The following LYST variants were observed in gnomAD, a reference collection of about 807,000 sequenced individuals.
LYST encodes the protein lysosomal-trafficking regulator.
Under a neutral mutation model 413.6 loss-of-function variants are expected in LYST, and 192 were observed. The observed-to-expected ratio is 0.46, with a 90% CI of 0.41 to 0.52. The LOEUF is 0.52. Among genes scored for constraint, LYST ranks in the 20% least tolerant of loss-of-function variants. The pLI, the probability that LYST is intolerant of heterozygous loss-of-function variation, is 0.00. For missense variants in LYST, 3,815 were observed against 4,499.9 expected, an observed-to-expected ratio of 0.85 and a Z score of 4.35; for synonymous variants, 1,525 against 1,567.3, an observed-to-expected ratio of 0.97 and a Z score of 0.64.
At chr1:235,723,907 G>T in intron 39 of LYST, 121 bp downstream of exon 39, 1 of 855,188 alleles carries the variant, frequency 1.2e-6, no homozygotes, top group Non-Finnish European at 1.9e-6. Context: ...CTTTAATCAG[G>T]ACTAAGAAAC....
At chr1:235,692,333 A>G (rs1662848802) in intron 47 of LYST, among the ~76,000 whole-genome samples, 1 of 151,434 alleles carries the variant, frequency 6.6e-6, no homozygotes, top group Admixed American at 6.6e-5. Flanking sequence ...ACTTCATCTC[A>G]TAACAAACCA....
At chr1:235,732,362 G>A (rs934797168) in intron 34 of LYST, among the ~76,000 whole-genome samples, 1 of 151,808 alleles carries the variant, frequency 6.6e-6, no homozygotes, top group Non-Finnish European at 1.5e-5. Context: ...GAGTGCAGTG[G>A]CATGTTCATA....
At chr1:235,712,011 C>A in intron 43 of LYST, 46 bp downstream of exon 43, 1 of 1,445,244 alleles carries the variant, frequency 6.9e-7, no homozygotes, top group Non-Finnish European at 9.3e-7. Flanking sequence ...TACAAAATAA[C>A]CACAAGCCCT....
upstream of LYST, among the ~76,000 whole-genome samples, chr1:235,870,288 T>C (rs142010121): frequency 6.7e-4 from 102 of 152,298 alleles, no homozygotes; most frequent in African/African-American, 2.4e-3. Flanking sequence ...CTATAACAAA[T>C]GAAGGTGTAA....
In LYST at chr1:235,778,874, T is replaced by C. The variant is rs528271906; in HGVS notation, c.5215-1566A>G. On this transcript the variant is annotated intron_variant, in intron 16 of 52. Transcript: ENST00000389793. ...GGGTACCATTTCTTGTCTTTTTTCT[T>C]TTTTTTTTTGAGACAGAGTTTGACT... Among the ~76,000 whole-genome samples the C allele has an allele frequency of 2.7e-5, 4 of 149,710 alleles. No individual in the cohort carries two copies. In the East Asian group the frequency reaches 7.8e-4, roughly 29 times the overall value.
chr1:235,796,277 T>C (rs1671549302), intron 10 of LYST, among the ~76,000 whole-genome samples: 2 of 152,126 alleles, frequency 1.3e-5, no homozygotes, highest in South Asian at 4.1e-4. Flanking sequence ...TAGGACTTCA[T>C]AAAAATCTTT....
intron 37 of LYST, among the ~76,000 whole-genome samples, chr1:235,728,751 G>GTGAAGTAT (rs1664113330): frequency 1.3e-5 from 2 of 152,196 alleles, no homozygotes; most frequent in Admixed American, 6.5e-5. Context: ...TAGTGAAGTA[G>GTGAAGTAT]TGGCATGGCT....
chr1:235,880,186 C>T (rs1277941432), intron 1 of LYST, among the ~76,000 whole-genome samples: 1 of 152,214 alleles, frequency 6.6e-6, no homozygotes, highest in Admixed American at 6.5e-5. Context: ...TTGTCTCAAA[C>T]ATGTTTCTTT....
At chr1:235,764,231 G>A (rs1667876965) in intron 21 of LYST, among the ~76,000 whole-genome samples, 1 of 152,072 alleles carries the variant, frequency 6.6e-6, no homozygotes, top group Non-Finnish European at 1.5e-5. Flanking sequence ...AAACAAAAAT[G>A]TTGACTGCCT....
chr1:235,869,510 A>T (rs1003005652), upstream of LYST, among the ~76,000 whole-genome samples: 9 of 152,232 alleles, frequency 5.9e-5, no homozygotes, highest in African/African-American at 1.7e-4. Context: ...CTACTTACGC[A>T]TGTATCACAT....
At chr1:235,713,972 G>C (rs1435658363) in intron 42 of LYST, among the ~76,000 whole-genome samples, 1 of 152,040 alleles carries the variant, frequency 6.6e-6, no homozygotes, top group Non-Finnish European at 1.5e-5. Flanking sequence ...TATATTAATG[G>C]GTTCTTGGGC....
intron 1 of LYST, among the ~76,000 whole-genome samples, chr1:235,859,029 T>C (rs1679544821): frequency 6.6e-6 from 1 of 152,192 alleles, no homozygotes; most frequent in South Asian, 2.1e-4. Flanking sequence ...TAACTTTTAT[T>C]TTCCCCTCAA....
intron 50 of LYST, among the ~76,000 whole-genome samples, chr1:235,666,599 C>CACACAT (rs1658493717): frequency 7.8e-6 from 1 of 129,024 alleles, no homozygotes; most frequent in African/African-American, 3.3e-5. Flanking sequence ...TGCACACACA[C>CACACAT]ACACACATAC....
intron 16 of LYST, among the ~76,000 whole-genome samples, chr1:235,780,583 T>C (rs1669755175): frequency 6.6e-6 from 1 of 152,000 alleles, no homozygotes; most frequent in South Asian, 2.1e-4. Context: ...ATCATAAACA[T>C]TTTTCCTGAA....
intron 14 of LYST, among the ~76,000 whole-genome samples, chr1:235,784,028 C>T (rs1000054630): frequency 1.3e-5 from 2 of 152,092 alleles, no homozygotes; most frequent in African/African-American, 4.8e-5. Context: ...TACAGCTACG[C>T]ATTACCATGC....
Position 235,845,077 on chromosome 1 carries a change from C to T in LYST, c.-97-11410G>A, listed in dbSNP as rs532859987. ...CTCCAGATCCACTGCAAGAACAAAC[C>T]AGCAATCCCGAGAGGACCCACAGAC... On this transcript the variant is annotated intron_variant, in intron 1 of 52. Coordinates refer to ENST00000389793, the MANE Select transcript of LYST (RefSeq NM_000081.4). Among the ~76,000 whole-genome samples the T allele has an allele frequency of 2.0e-5, 3 of 152,284 alleles. No individual in the cohort carries two copies. The South Asian group carries it at 6.2e-4, about 32-fold the overall frequency.
At chr1:235,666,245 C>G (rs931619951) in intron 50 of LYST, among the ~76,000 whole-genome samples, 2 of 149,228 alleles carry the variant, frequency 1.3e-5, no homozygotes, top group African/African-American at 4.9e-5. Context: ...CACACACACA[C>G]ACACACACAC....
chr1:235,680,067 TA>T (rs1255063766), intron 48 of LYST, among the ~76,000 whole-genome samples: 12 of 151,804 alleles, frequency 7.9e-5, no homozygotes, highest in Non-Finnish European at 8.8e-5. Flanking sequence ...ATTTTATCAT[TA>T]TATGTTTACA....
chr1:235,812,936 T>A lies in LYST; in HGVS notation c.283+35A>T, dbSNP rs148035743. The A allele has an allele frequency of 9.2e-4, 1,223 of 1,330,354 alleles. 11 individuals are homozygous for A. In the African/African-American group the frequency reaches 0.016, roughly 17 times the overall value. 82.4% of individuals were successfully genotyped at this position (1,330,354 alleles called of 1,614,324 possible). A position where few individuals can be genotyped will look rare whatever the true frequency, so the allele number is the denominator to read the frequency against. On this transcript the variant is annotated intron_variant, in intron 4 of 52. Transcript: ENST00000389793. ...AAGTAACTTTTCTATGAAATTTTGA[T>A]AACACAAGTGATATGATAAAGGGAA...
Sources: gnomAD v4.1 joint callset for allele counts (sites outside exome capture counted in the v4.1 genomes callset) on GRCh38, gnomAD v4.1.1 for gene constraint, MANE v1.5 for transcripts, NCBI Gene and HGNC (gene_info 2026-07-23, HGNC 2026-07-21) for gene names.